Variants in UGT1A10 observed in about 807,000 individuals in gnomAD.
The protein encoded by UGT1A10 is UDP-glucuronosyltransferase 1A10.
Under a neutral mutation model 45.8 loss-of-function variants are expected in UGT1A10, and 49 were observed. The observed-to-expected ratio is 1.07, with a 90% CI of 0.85 to 1.36. UGT1A10 has a LOEUF of 1.36. Among genes scored for constraint, UGT1A10 ranks in the 40% most tolerant of loss-of-function variants. The pLI is 0.00. For synonymous variants in UGT1A10, 284 were observed against 249.7 expected, an observed-to-expected ratio of 1.14 and a Z score of -1.29; for missense variants, 745 against 668.6, an observed-to-expected ratio of 1.11 and a Z score of -1.26.
At chr2:233,645,198 C>T (rs1016769789) in intron 1 of UGT1A10, among the ~76,000 whole-genome samples, 1 of 152,164 alleles carries the variant, frequency 6.6e-6, no homozygotes, top group South Asian at 2.1e-4. Context: ...TCTTGAGAGA[C>T]TTATTCACTA....
intron 1 of UGT1A10, among the ~76,000 whole-genome samples, chr2:233,642,986 T>G (rs1355603035): frequency 6.6e-6 from 1 of 152,206 alleles, no homozygotes; most frequent in African/African-American, 2.4e-5. Flanking sequence ...ACTATGACTG[T>G]GCTGGATCAG....
At position 233,648,246 on chromosome 2, in the gene UGT1A10, G is replaced by A. The variant is rs182297279; in HGVS notation, c.855+10869G>A. ...ACTGAAAATTAGTAGAATACTTAAA[G>A]GAGAGTTCTTTTGATGCGGTGTTTC... On this transcript the variant is annotated intron_variant, in intron 1 of 4. Coordinates refer to ENST00000344644, the MANE Select transcript of UGT1A10 (RefSeq NM_019075.4). 8.9e-4 allele frequency: 548 copies of A among 615,848 alleles called. 3 individuals carry two copies. The African/African-American group carries it at 9.0e-3, about 10-fold the overall frequency. The allele number at this position is 615,848 out of a possible 1,614,324, so 38.1% of individuals were successfully genotyped here.
intron 1 of UGT1A10, chr2:233,671,797 T>C: frequency 7.1e-7 from 1 of 1,402,942 alleles, no homozygotes; most frequent in South Asian, 1.7e-5. Context: ...TAAATCATTG[T>C]CAGTGACTGA....
At chr2:233,746,951 C>A (rs1693515830) in intron 1 of UGT1A10, among the ~76,000 whole-genome samples, 1 of 151,748 alleles carries the variant, frequency 6.6e-6, no homozygotes, top group Admixed American at 6.5e-5. Context: ...GAAACAAGAG[C>A]TTGAACTTGG....
At chr2:233,755,183 C>G (rs564578980) in intron 1 of UGT1A10, 175 of 1,199,670 alleles carry the variant, frequency 1.5e-4, no homozygotes, top group Middle Eastern at 2.2e-4. Context: ...CGGGGTGCCA[C>G]TTGAGCGCCA....
chr2:233,677,542 GAA>G, intron 1 of UGT1A10, among the ~76,000 whole-genome samples: 1 of 152,078 alleles, frequency 6.6e-6, no homozygotes, highest in South Asian at 2.1e-4. Context: ...CTAGAGAAAA[GAA>G]AATGTTATTA....
At chr2:233,699,548 C>A (rs2075512161) in intron 1 of UGT1A10, among the ~76,000 whole-genome samples, 1 of 152,204 alleles carries the variant, frequency 6.6e-6, no homozygotes, top group Non-Finnish European at 1.5e-5. Context: ...CATCATAGAG[C>A]CAGGTCATGG....
intron 1 of UGT1A10, among the ~76,000 whole-genome samples, chr2:233,757,541 T>TATAC (rs1229454769): frequency 1.7e-5 from 2 of 117,592 alleles, no homozygotes; most frequent in Non-Finnish European, 3.6e-5. Flanking sequence ...AAGGAATATA[T>TATAC]ATATATATAT....
chr2:233,749,702 A>C lies in UGT1A10; in HGVS notation c.856-17332A>C, dbSNP rs7556792. On this transcript the variant is annotated intron_variant, in intron 1 of 4. Coordinates refer to ENST00000344644, the MANE Select transcript of UGT1A10 (RefSeq NM_019075.4). ...CAAGGACAGGATCTGGTGGGAGGTG[A>C]TTGGATCATGGGGGCAGTTTCGCAC... 9.0e-3 allele frequency among the ~76,000 whole-genome samples: 1,371 copies of C among 151,808 alleles called. 51 individuals carry two copies. The highest frequency in any genetic ancestry group is 0.032 in the African/African-American group (1,324 of 41,154).
rs533684290 is a variant in UGT1A10, at chr2:233,717,047, G to A, written c.856-49987G>A. Among the ~76,000 whole-genome samples the A allele has an allele frequency of 3.9e-5, 6 of 152,238 alleles. No individual in the cohort carries two copies. In the South Asian group the frequency reaches 1.0e-3, roughly 26 times the overall value. ...CATCTTCCAAGATACATGGGCCTCCGCAGGGTCTAGGAGTGCCAGACACGT... is the reference window on the plus strand; with the variant it reads ...CATCTTCCAAGATACATGGGCCTCCACAGGGTCTAGGAGTGCCAGACACGT... On this transcript the variant is annotated intron_variant, in intron 1 of 4. Coordinates refer to ENST00000344644, the MANE Select transcript of UGT1A10 (RefSeq NM_019075.4).
intron 1 of UGT1A10, chr2:233,671,970 A>C: frequency 6.2e-7 from 1 of 1,613,766 alleles, no homozygotes. Flanking sequence ...CCCTTCCTCT[A>C]TGTGTGTGTC....
chr2:233,637,461 AT>A, intron 1 of UGT1A10, 84 bp downstream of exon 1: 1 of 1,503,714 alleles, frequency 6.7e-7, no homozygotes. Flanking sequence ...GTGATTTGAC[AT>A]TTTCGTTTGT....
In UGT1A10 at chr2:233,637,070, G is replaced by A; in HGVS notation, c.548G>A (p.Cys183Tyr). Reference protein sequence around the residue: ...FCHHLEEGAQCPAPLSYVPND... With the variant: ...FCHHLEEGAQYPAPLSYVPND... ...CACCATCTTGAAGAAGGTGCACAGT[G>A]CCCTGCTCCTCTTTCCTATGTCCCC... The change falls in exon 1 of 5, where the codon TGC (cysteine) becomes TAC (tyrosine). Residue 183 changes from cysteine (C) to tyrosine (Y), a missense_variant. Transcript: ENST00000344644. The A allele has an allele frequency of 6.2e-7, 1 of 1,613,952 alleles. No homozygotes were observed. The highest frequency in any genetic ancestry group is 8.5e-7 in the Non-Finnish European group (1 of 1,179,872).
intron 1 of UGT1A10, chr2:233,648,165 G>T (rs1488137741): frequency 7.5e-6 from 8 of 1,065,342 alleles, no homozygotes; most frequent in Admixed American, 7.2e-5. Flanking sequence ...CTCTATTAAT[G>T]AGTTCATCCA....
intron 1 of UGT1A10, chr2:233,741,713 C>T (rs1022518574): frequency 6.6e-6 from 1 of 151,840 alleles, no homozygotes; most frequent in South Asian, 2.1e-4. Flanking sequence ...TCTGAGGGTT[C>T]TAGAGCATAT....
chr2:233,712,801 T>G (rs903788650), intron 1 of UGT1A10, among the ~76,000 whole-genome samples: 3 of 152,228 alleles, frequency 2.0e-5, no homozygotes, highest in Non-Finnish European at 4.4e-5. Flanking sequence ...GATCGGTCTT[T>G]CCCAGGGTGG....
chr2:233,662,832 T>G (rs1321445887), intron 1 of UGT1A10, among the ~76,000 whole-genome samples: 2 of 145,300 alleles, frequency 1.4e-5, no homozygotes, highest in East Asian at 1.9e-4. Flanking sequence ...TTTTTTTTTT[T>G]GTCAGATATG....
chr2:233,691,690 A>G, intron 1 of UGT1A10: 9 of 347,980 alleles, frequency 2.6e-5, no homozygotes, highest in Non-Finnish European at 3.1e-5. Flanking sequence ...CCTGAAGCTC[A>G]GGAGAGGAGT....
rs191784269 is a variant in UGT1A10 at position 233,638,220 on chromosome 2, A to G, written c.855+843A>G. Among the ~76,000 whole-genome samples the G allele has an allele frequency of 2.6e-5, 4 of 152,268 alleles. No homozygotes were observed. In the East Asian group the frequency reaches 7.7e-4, roughly 29 times the overall value. On this transcript the variant is annotated intron_variant, in intron 1 of 4. Coordinates refer to ENST00000344644, the MANE Select transcript of UGT1A10 (RefSeq NM_019075.4). ...TCTTGTTTTATATACATAAATAAAAATTTTCACTATATAAGCATTTTATGT... is the reference window on the plus strand; with the variant it reads ...TCTTGTTTTATATACATAAATAAAAGTTTTCACTATATAAGCATTTTATGT...
Sources: allele counts gnomAD v4.1 joint callset (sites outside exome capture counted in the v4.1 genomes callset), GRCh38; gene constraint gnomAD v4.1.1; transcripts MANE v1.5; gene names NCBI Gene and HGNC (gene_info 2026-07-23, HGNC 2026-07-21).